LYST: variants seen among roughly 807,000 people sequenced by gnomAD.
LYST encodes lysosomal-trafficking regulator.
LYST carries 192 observed loss-of-function variants against 413.6 expected under a neutral mutation model. The observed-to-expected ratio is 0.46, with a 90% CI of 0.41 to 0.52. The LOEUF (loss-of-function observed/expected upper bound fraction) is 0.52, where lower values mean the gene tolerates loss of function less well. Ranked by LOEUF, LYST falls within the 20% of genes least tolerant of loss-of-function variation. The pLI is 0.00. For synonymous variants in LYST, 1,525 were observed against 1,567.3 expected (o/e 0.97, Z 0.64); for missense variants, 3,815 against 4,499.9 (o/e 0.85, Z 4.35).
intron 31 of LYST, chr1:235,735,760 G>A (rs1664767386): frequency 6.6e-6 from 1 of 152,064 alleles, no homozygotes; most frequent in South Asian, 2.1e-4. Flanking sequence ...ATCACATCGT[G>A]TCATTTCCCA....
chr1:235,679,881 T>C (rs1659674637), intron 48 of LYST, among the ~76,000 whole-genome samples: 1 of 152,118 alleles, frequency 6.6e-6, no homozygotes, highest in African/African-American at 2.4e-5. Flanking sequence ...GTGTCAGTGT[T>C]TCAGGATTGA....
At chr1:235,698,814 A>G (rs1272030457) in intron 45 of LYST, among the ~76,000 whole-genome samples, 2 of 152,164 alleles carry the variant, frequency 1.3e-5, no homozygotes, top group African/African-American at 4.8e-5. Flanking sequence ...CAGAGCTTGC[A>G]GTAAGCCGAG....
chr1:235,781,285 A>G (rs1669848558), intron 15 of LYST, among the ~76,000 whole-genome samples: 1 of 152,188 alleles, frequency 6.6e-6, no homozygotes, highest in Non-Finnish European at 1.5e-5. Context: ...GAAGCTTTTA[A>G]TTAAATCATA....
At chr1:235,746,576 T>TCAAGGAAA in intron 28 of LYST, 49 bp from the exon 29 acceptor site, 1 of 1,411,234 alleles carries the variant, frequency 7.1e-7, no homozygotes, top group Non-Finnish European at 9.9e-7. Flanking sequence ...TTAATAAGGA[T>TCAAGGAAA]CAAGGAAACT....
intron 45 of LYST, among the ~76,000 whole-genome samples, chr1:235,698,452 G>C (rs1661271970): frequency 1.3e-5 from 2 of 152,186 alleles, no homozygotes; most frequent in African/African-American, 4.8e-5. Context: ...AAAAGCTTAA[G>C]AGCTTCAGGA....
intron 24 of LYST, 148 bp downstream of exon 24, chr1:235,757,133 G>C: frequency 3.7e-6 from 2 of 543,066 alleles, no homozygotes; most frequent in South Asian, 7.2e-5. Flanking sequence ...AAAAATATAT[G>C]AGTATTAAGT....
At chr1:235,733,360 G>T in intron 34 of LYST, 143 bp downstream of exon 34, 1 of 730,770 alleles carries the variant, frequency 1.4e-6, no homozygotes, top group Non-Finnish European at 2.3e-6. Context: ...TCTTTAAGAT[G>T]AAAAAAACAT....
At chr1:235,883,011 T>C (rs1000713942) in intron 1 of LYST, among the ~76,000 whole-genome samples, 2 of 151,882 alleles carry the variant, frequency 1.3e-5, no homozygotes, top group Non-Finnish European at 2.9e-5. Flanking sequence ...CTGGCCACTC[T>C]CTGAGCAAGC....
chr1:235,755,418 G>GAAAAC (rs1357649547), intron 25 of LYST, 60 bp downstream of exon 25: 3 of 1,408,960 alleles, frequency 2.1e-6, no homozygotes, highest in Non-Finnish European at 3.0e-6. Flanking sequence ...GAAAAGAAAA[G>GAAAAC]AAAAGAAAAG....
At position 235,810,089 on chromosome 1, in the gene LYST, G is replaced by A. The variant is rs1673300789; in HGVS notation, c.729C>T (p.Ala243=). The A allele has an allele frequency of 6.2e-7, 1 of 1,614,042 alleles. No individual in the cohort carries two copies. The change falls in exon 5 of 53, where the codon GCC becomes GCT. Residue 243 remains alanine, a synonymous_variant. Coordinates refer to ENST00000389793, the MANE Select transcript of LYST (RefSeq NM_000081.4). ...SNTDILSEPA[A]LSVISNMNNS... is the part of the protein sequence containing the mutation. Reference sequence around the variant, plus strand: ...TGTTCATGTTACTGATAACAGACAAGGCAGCTGGCTCACTTAAAATGTCAG... The same window carrying A: ...TGTTCATGTTACTGATAACAGACAAAGCAGCTGGCTCACTTAAAATGTCAG...
At chr1:235,683,148 T>A (rs1294324534) in intron 48 of LYST, among the ~76,000 whole-genome samples, 1 of 152,252 alleles carries the variant, frequency 6.6e-6, no homozygotes, top group Non-Finnish European at 1.5e-5. Flanking sequence ...GATAATTTTT[T>A]AATAAACTCT....
chr1:235,875,049 C>A (rs894884050), intron 1 of LYST, among the ~76,000 whole-genome samples: 2 of 152,100 alleles, frequency 1.3e-5, no homozygotes, highest in African/African-American at 4.8e-5. Flanking sequence ...TAACACGATC[C>A]CCGGGTGATT....
intron 3 of LYST, among the ~76,000 whole-genome samples, chr1:235,820,371 CTTTCT>C (rs1288113336): frequency 6.6e-6 from 1 of 150,394 alleles, no homozygotes; most frequent in Non-Finnish European, 1.5e-5. Flanking sequence ...CTTTTCTTTT[CTTTCT>C]TTTTTTTTTT....
chr1:235,874,101 G>A (rs1001153858), intron 1 of LYST, among the ~76,000 whole-genome samples: 5 of 152,104 alleles, frequency 3.3e-5, no homozygotes, highest in African/African-American at 1.2e-4. Context: ...TGTGTGTTTC[G>A]CTGCCTCCTT....
At chr1:235,694,611 C>T (rs1298645394) in intron 46 of LYST, among the ~76,000 whole-genome samples, 1 of 152,134 alleles carries the variant, frequency 6.6e-6, no homozygotes, top group Admixed American at 6.5e-5. Context: ...AGGCAATTCA[C>T]AGCTTTTTGT....
intron 39 of LYST, among the ~76,000 whole-genome samples, chr1:235,721,476 G>C (rs1392530263): frequency 6.6e-6 from 1 of 152,046 alleles, no homozygotes; most frequent in Non-Finnish European, 1.5e-5. Flanking sequence ...AAGGGGTATT[G>C]GTTCTTTTAA....
At chr1:235,860,139 T>A (rs1453923518) in intron 1 of LYST, among the ~76,000 whole-genome samples, 1 of 152,164 alleles carries the variant, frequency 6.6e-6, no homozygotes, top group Non-Finnish European at 1.5e-5. Flanking sequence ...AATATGCAAT[T>A]CTTCAGGTTT....
intron 22 of LYST, 29 bp downstream of exon 22, chr1:235,762,691 G>A: frequency 6.2e-7 from 1 of 1,603,790 alleles, no homozygotes; most frequent in Non-Finnish European, 8.5e-7. Context: ...AAAATGAGAA[G>A]GTCATACTTC....
chr1:235,665,503 T>A (rs1227455288), intron 50 of LYST, among the ~76,000 whole-genome samples: 1 of 150,150 alleles, frequency 6.7e-6, no homozygotes, highest in Non-Finnish European at 1.5e-5. Flanking sequence ...TTCCAGCTAC[T>A]AGGGAGGCTG....
Sources: gnomAD v4.1 joint callset for allele counts (sites outside exome capture counted in the v4.1 genomes callset) on GRCh38, gnomAD v4.1.1 for gene constraint, MANE v1.5 for transcripts, NCBI Gene and HGNC (gene_info 2026-07-23, HGNC 2026-07-21) for gene names.